The following GTSE1 variants were observed in gnomAD, a reference collection of about 807,000 sequenced individuals.
The protein encoded by GTSE1 is G2 and S phase-expressed protein 1.
Under a neutral mutation model 60.5 loss-of-function variants are expected in GTSE1, and 52 were observed. That is an observed-to-expected ratio of 0.86 (90% CI 0.69 to 1.08). The LOEUF is 1.08. Among genes scored for constraint, GTSE1 ranks in the 50% least tolerant of loss-of-function variants. GTSE1 has a pLI of 0.00. For missense variants in GTSE1, 937 were observed against 961.8 expected, an observed-to-expected ratio of 0.97 and a Z score of 0.34; for synonymous variants, 368 against 386.5, an observed-to-expected ratio of 0.95 and a Z score of 0.56.
At position 46,319,275 on chromosome 22, in the gene GTSE1, G is replaced by A. The variant is rs1346593130; in HGVS notation, c.1432+2863G>A. Among the ~76,000 whole-genome samples, 3 of 152,150 alleles carry A rather than the reference G, an allele frequency of 2.0e-5. No homozygotes were observed. The highest frequency in any genetic ancestry group is 6.5e-5 in the Admixed American group (1 of 15,284). ...TGCATAGGAGAGATCAGAGCAGAGCGACTTGACCTTCAGAAGGTCCCTCCA... is the reference window on the plus strand; with the variant it reads ...TGCATAGGAGAGATCAGAGCAGAGCAACTTGACCTTCAGAAGGTCCCTCCA... On this transcript the variant is annotated intron_variant, in intron 7 of 11. Transcript: ENST00000454366. This position sits in a 1 kb window ranked among gnomAD's most constrained non-coding sequence, Gnocchi z 5.0.
In GTSE1 at chr22:46,318,749, G is replaced by T. The variant is rs1457698557; in HGVS notation, c.1432+2337G>T. Among the ~76,000 whole-genome samples, 1 of 152,148 alleles carries T rather than the reference G, an allele frequency of 6.6e-6. No individual in the cohort carries two copies. The highest frequency in any genetic ancestry group is 6.6e-5 in the Admixed American group (1 of 15,266). ...GTGCTCTGGGAGCAGCATGGGGGCC[G>T]GAGGGTGGGAGTGCAGCCGCTGCGG... is the stretch of plus-strand genomic sequence containing the variant. On this transcript the variant is annotated intron_variant, in intron 7 of 11. Transcript: ENST00000454366. The surrounding 1 kb of genome is among the most constrained non-coding windows in gnomAD (Gnocchi z 4.8).
chr22:46,325,490 C>T (rs1330982631), intron 8 of GTSE1, among the ~76,000 whole-genome samples: 3 of 152,066 alleles, frequency 2.0e-5, no homozygotes, highest in Admixed American at 6.5e-5. Context: ...GCCACCCGCC[C>T]GGCCTATGTT....
rs1374180851 is a variant in GTSE1 at position 46,318,492 on chromosome 22, C to T, written c.1432+2080C>T. Among the ~76,000 whole-genome samples, 1 of 152,260 alleles carries T rather than the reference C, an allele frequency of 6.6e-6. No homozygotes were observed. Among genetic ancestry groups the T allele is most frequent in the East Asian group, 1.9e-4 (1 of 5,192 alleles). On this transcript the variant is annotated intron_variant, in intron 7 of 11. Transcript: ENST00000454366. The surrounding 1 kb of genome is among the most constrained non-coding windows in gnomAD (Gnocchi z 4.8). ...TACGAAATGTTATCAGATGAGCAGG[C>T]CTGCAGATCCTAGCACAACAAAGGG...
At chr22:46,303,198 T>G (rs2077699048) in intron 2 of GTSE1, among the ~76,000 whole-genome samples, 1 of 152,122 alleles carries the variant, frequency 6.6e-6, no homozygotes, top group Admixed American at 6.6e-5. Context: ...CCCTGCCCGG[T>G]CTACTTTCCC....
Position 46,319,205 on chromosome 22 carries a change from G to T in GTSE1, c.1432+2793G>T, listed in dbSNP as rs534171826. 1.3e-5 allele frequency among the ~76,000 whole-genome samples: 2 copies of T among 152,228 alleles called. No individual in the cohort carries two copies. The highest frequency in any genetic ancestry group is 4.8e-5 in the African/African-American group (2 of 41,470). On this transcript the variant is annotated intron_variant, in intron 7 of 11. Transcript: ENST00000454366. The surrounding 1 kb of genome is among the most constrained non-coding windows in gnomAD (Gnocchi z 5.0). Reference sequence around the variant, plus strand: ...GCCCGAGGCCGGCTCCCAGAGCGCCGCGTGACCAGAGCGGACCCTGGAGTA... The same window carrying T: ...GCCCGAGGCCGGCTCCCAGAGCGCCTCGTGACCAGAGCGGACCCTGGAGTA...
In GTSE1 at chr22:46,319,934, G is replaced by T. The variant is rs1266548611; in HGVS notation, c.1433-3256G>T. On this transcript the variant is annotated intron_variant, in intron 7 of 11. Coordinates refer to ENST00000454366, the MANE Select transcript of GTSE1 (RefSeq NM_016426.7). The surrounding 1 kb of genome is among the most constrained non-coding windows in gnomAD (Gnocchi z 5.0). ...CAGGAGGCAGAGGTTGTAGTGAGCC[G>T]AGATGGTGTCACTGCACTCCAGCCT... 6.6e-6 allele frequency among the ~76,000 whole-genome samples: 1 copy of T among 151,358 alleles called. No individual in the cohort carries two copies. Among genetic ancestry groups the T allele is most frequent in the African/African-American group, 2.4e-5 (1 of 41,076 alleles).
In GTSE1 at chr22:46,313,818, A is replaced by C. The variant is rs555007894; in HGVS notation, c.928-72A>C. The C allele has an allele frequency of 1.9e-6, 3 of 1,576,970 alleles. No homozygotes were observed. Among genetic ancestry groups the C allele is most frequent in the East Asian group, 4.5e-5 (2 of 44,090 alleles). ...CACCGTGCCCAGCCAAAAACCCCTTACTTTTGCAGACACAAGTAATAGGTA... is the reference window on the plus strand; with the variant it reads ...CACCGTGCCCAGCCAAAAACCCCTTCCTTTTGCAGACACAAGTAATAGGTA... On this transcript the variant is annotated intron_variant, in intron 5 of 11. Transcript: ENST00000454366. This position sits in a 1 kb window ranked among gnomAD's most constrained non-coding sequence, Gnocchi z 4.4.
At chr22:46,302,830 A>C (rs1041239620) in intron 2 of GTSE1, among the ~76,000 whole-genome samples, 3 of 151,294 alleles carry the variant, frequency 2.0e-5, no homozygotes, top group Non-Finnish European at 2.9e-5. Context: ...GCATGGACCA[A>C]ACTTAGTTGG....
rs934594969 is a variant in GTSE1, at chr22:46,304,096, C to G, written c.80-4054C>G. On this transcript the variant is annotated intron_variant, in intron 2 of 11. Transcript: ENST00000454366. This position sits in a 1 kb window ranked among gnomAD's most constrained non-coding sequence, Gnocchi z 4.4. ...GATCATAGCTCACTGCAGCCGCAAG[C>G]TCCTGGGCTCAGCATCCTGAGTAGC... Among the ~76,000 whole-genome samples, 6 of 152,136 alleles carry G rather than the reference C, an allele frequency of 3.9e-5. No individual in the cohort carries two copies. Among genetic ancestry groups the G allele is most frequent in the African/African-American group, 1.4e-4 (6 of 41,440 alleles).
At chr22:46,312,820 C>T (rs947499951) in intron 5 of GTSE1, among the ~76,000 whole-genome samples, 5 of 151,994 alleles carry the variant, frequency 3.3e-5, no homozygotes, top group Non-Finnish European at 5.9e-5. Flanking sequence ...GGGGATATTC[C>T]GTTTCCCTCA....
Position 46,321,969 on chromosome 22 carries a change from G to A in GTSE1, c.1433-1221G>A, listed in dbSNP as rs1289434200. Among the ~76,000 whole-genome samples, 3 of 151,286 alleles carry A rather than the reference G, an allele frequency of 2.0e-5. No homozygotes were observed. Among genetic ancestry groups the A allele is most frequent in the Admixed American group, 2.0e-4 (3 of 15,150 alleles). ...GGCACCTATAATTCCAGCTACTCAG[G>A]AGGCTGAGGCAAAAGAATCACTTGA... On this transcript the variant is annotated intron_variant, in intron 7 of 11. Coordinates refer to ENST00000454366, the MANE Select transcript of GTSE1 (RefSeq NM_016426.7). The surrounding 1 kb of genome is among the most constrained non-coding windows in gnomAD (Gnocchi z 4.0).
intron 9 of GTSE1, among the ~76,000 whole-genome samples, chr22:46,328,335 G>C (rs922821974): frequency 2.6e-5 from 4 of 152,242 alleles, no homozygotes; most frequent in Non-Finnish European, 5.9e-5. Flanking sequence ...CCCACTAGCT[G>C]CATGCGAGGA....
chr22:46,322,554 G>A (rs770621952), intron 7 of GTSE1, among the ~76,000 whole-genome samples: 1 of 152,196 alleles, frequency 6.6e-6, no homozygotes, highest in African/African-American at 2.4e-5. Context: ...GTCTGGGGGC[G>A]TGGTGGCGGG....
Position 46,316,449 on chromosome 22 carries a change from A to T in GTSE1, c.1432+37A>T, listed in dbSNP as rs758803063. On this transcript the variant is annotated intron_variant, in intron 7 of 11. Transcript: ENST00000454366. This position sits in a 1 kb window ranked among gnomAD's most constrained non-coding sequence, Gnocchi z 5.0. ...ATACATTTTAATGTGTCTTTAAAAA[A>T]TACTGAAGAAATTGCATTTAAAGTT... 7.9e-7 allele frequency: 1 copy of T among 1,266,350 alleles called. No homozygotes were observed. 78.4% of individuals were successfully genotyped at this position (1,266,350 alleles called of 1,614,324 possible).
intron 6 of GTSE1, among the ~76,000 whole-genome samples, chr22:46,315,320 G>A (rs941024565): frequency 6.6e-6 from 1 of 152,188 alleles, no homozygotes; most frequent in Non-Finnish European, 1.5e-5. Context: ...GCCTCCCAAA[G>A]TGCTAGGATT....
At position 46,313,763 on chromosome 22, in the gene GTSE1, T is replaced by C; in HGVS notation, c.928-127T>C. The C allele has an allele frequency of 2.1e-6, 2 of 971,138 alleles. No individual in the cohort carries two copies. Among genetic ancestry groups the C allele is most frequent in the Non-Finnish European group, 3.1e-6 (2 of 638,142 alleles). The allele number at this position is 971,138 out of a possible 1,614,324, so 60.2% of individuals were successfully genotyped here. ...ACCTTGTGATCCTCCGGCCTCAGCC[T>C]CCCAAAGTGCTGGGATTACAGGCGT... On this transcript the variant is annotated intron_variant, in intron 5 of 11. Coordinates refer to ENST00000454366, the MANE Select transcript of GTSE1 (RefSeq NM_016426.7). This position sits in a 1 kb window ranked among gnomAD's most constrained non-coding sequence, Gnocchi z 4.4.
Position 46,309,413 on chromosome 22 carries a change from G to A in GTSE1, c.762+470G>A, listed in dbSNP as rs913315996. On this transcript the variant is annotated intron_variant, in intron 4 of 11. Transcript: ENST00000454366. This position sits in a 1 kb window ranked among gnomAD's most constrained non-coding sequence, Gnocchi z 6.2. Reference sequence around the variant, plus strand: ...CTACTCTGGGACACTGAGGGTCCTGGAGGTCTGGGGGAAAGCTGGGTGTGA... The same window carrying A: ...CTACTCTGGGACACTGAGGGTCCTGAAGGTCTGGGGGAAAGCTGGGTGTGA... 1.1e-4 allele frequency among the ~76,000 whole-genome samples: 16 copies of A among 152,250 alleles called. No homozygotes were observed. Among genetic ancestry groups the A allele is most frequent in the Admixed American group, 4.6e-4 (7 of 15,300 alleles).
chr22:46,312,039 C>A, intron 4 of GTSE1, 102 bp from the exon 5 acceptor site: 1 of 933,048 alleles, frequency 1.1e-6, no homozygotes, highest in Non-Finnish European at 1.7e-6. Flanking sequence ...ATGTGTAGCA[C>A]TGGGGAAGAT....
chr22:46,297,560 A>G lies in GTSE1; in HGVS notation c.79+81A>G. 1.0e-6 allele frequency: 1 copy of G among 986,948 alleles called. No individual in the cohort carries two copies. The highest frequency in any genetic ancestry group is 1.6e-6 in the Non-Finnish European group (1 of 636,992). The allele number at this position is 986,948 out of a possible 1,614,324, so 61.1% of individuals were successfully genotyped here. A position where few individuals can be genotyped will look rare whatever the true frequency, so the allele number is the denominator to read the frequency against. On this transcript the variant is annotated intron_variant, in intron 2 of 11. Transcript: ENST00000454366. The surrounding 1 kb of genome is among the most constrained non-coding windows in gnomAD (Gnocchi z 4.9). Reference sequence around the variant, plus strand: ...GGGTGATTTAATGTTTCCCTGAGAAATTCTTTCTCAAGTGCTCGACTTGTA... The same window carrying G: ...GGGTGATTTAATGTTTCCCTGAGAAGTTCTTTCTCAAGTGCTCGACTTGTA...
Sources: allele counts gnomAD v4.1 joint callset (sites outside exome capture counted in the v4.1 genomes callset), GRCh38; gene constraint gnomAD v4.1.1; non-coding constraint Gnocchi (gnomAD v3.1); transcripts MANE v1.5; gene names NCBI Gene and HGNC (gene_info 2026-07-23, HGNC 2026-07-21).